MAGI1: variants seen among roughly 807,000 people sequenced by gnomAD.
The protein encoded by MAGI1 is membrane associated guanylate kinase, WW and PDZ domain containing 1.
A neutral mutation model predicts 139.9 loss-of-function variants in MAGI1; 58 were observed. The observed-to-expected ratio is 0.41, with a 90% CI of 0.34 to 0.52. MAGI1 has a LOEUF of 0.52. MAGI1 is among the 20% of genes least tolerant of loss of function. The pLI is 0.12. For missense variants in MAGI1, 1,874 were observed against 1,901.6 expected (o/e 0.99, Z 0.27); for synonymous variants, 812 against 737.9 (o/e 1.10, Z -1.63).
chr3:65,383,508 A>G (rs1943220256), intron 15 of MAGI1, 24 bp downstream of exon 15: 1 of 1,565,862 alleles, frequency 6.4e-7, no homozygotes, highest in Admixed American at 1.7e-5. Context: ...ATATGCTGGG[A>G]AGAGAGACAA....
At chr3:65,858,926 A>G (rs748799952) in intron 1 of MAGI1, among the ~76,000 whole-genome samples, 4 of 152,182 alleles carry the variant, frequency 2.6e-5, no homozygotes, top group South Asian at 2.1e-4. Context: ...TGTATCCACC[A>G]TAAGTATAAT....
chr3:65,862,977 TTCAAGGTCTCCCC>T (rs1164749418), intron 1 of MAGI1, among the ~76,000 whole-genome samples: 14 of 152,200 alleles, frequency 9.2e-5, no homozygotes, highest in Admixed American at 6.5e-5. Context: ...TAGCATGGCA[TTCAAGGTCTCCCC>T]TAATCCAGGC....
chr3:65,577,888 A>T (rs1250488408), intron 2 of MAGI1, among the ~76,000 whole-genome samples: 1 of 152,062 alleles, frequency 6.6e-6, no homozygotes, highest in East Asian at 1.9e-4. Context: ...AATCAACCAC[A>T]TTCTTTTATT....
chr3:65,855,357 T>G (rs567167961), intron 1 of MAGI1, among the ~76,000 whole-genome samples: 2 of 151,648 alleles, frequency 1.3e-5, no homozygotes, highest in South Asian at 2.1e-4. Flanking sequence ...GGCAGGAGAA[T>G]TGATTGAGGC....
chr3:65,640,944 C>CT (rs1356688310), intron 1 of MAGI1, among the ~76,000 whole-genome samples: 1 of 152,142 alleles, frequency 6.6e-6, no homozygotes. Flanking sequence ...GTGACACCCT[C>CT]TTTTTTGTTG....
intron 1 of MAGI1, among the ~76,000 whole-genome samples, chr3:65,693,345 A>C (rs746948881): frequency 2.6e-5 from 4 of 152,202 alleles, no homozygotes; most frequent in African/African-American, 2.4e-5. Context: ...GAAAAGGTTG[A>C]AAACTTTCCT....
At chr3:65,911,418 C>A (rs2061665295) in intron 1 of MAGI1, among the ~76,000 whole-genome samples, 1 of 152,032 alleles carries the variant, frequency 6.6e-6, no homozygotes, top group Non-Finnish European at 1.5e-5. Flanking sequence ...CAGAGCTGCC[C>A]AGCGTCCACC....
intron 1 of MAGI1, among the ~76,000 whole-genome samples, chr3:65,703,327 A>G (rs924541466): frequency 2.0e-5 from 3 of 152,180 alleles, no homozygotes; most frequent in South Asian, 4.1e-4. Flanking sequence ...TGGCCAGTCA[A>G]TTGTCTATTC....
intron 1 of MAGI1, among the ~76,000 whole-genome samples, chr3:65,763,424 C>G (rs1354725393): frequency 6.6e-6 from 1 of 152,110 alleles, no homozygotes; most frequent in Non-Finnish European, 1.5e-5. Context: ...TGCTTTAATT[C>G]TCAGGCCTGG....
chr3:65,961,728 T>C (rs1431297694), intron 1 of MAGI1, among the ~76,000 whole-genome samples: 5 of 152,178 alleles, frequency 3.3e-5, no homozygotes, highest in African/African-American at 9.7e-5. Context: ...TGAACTGATA[T>C]CAAAGAACCA....
At chr3:65,594,927 G>C (rs900218314) in intron 2 of MAGI1, among the ~76,000 whole-genome samples, 1 of 152,146 alleles carries the variant, frequency 6.6e-6, no homozygotes, top group African/African-American at 2.4e-5. Context: ...GCCAACATCA[G>C]AATAATGCAT....
chr3:65,605,564 A>G (rs2082697757), intron 2 of MAGI1, among the ~76,000 whole-genome samples: 2 of 152,158 alleles, frequency 1.3e-5, no homozygotes, highest in Admixed American at 6.6e-5. Context: ...ACAGTTGGCA[A>G]TAAAAGAAAA....
intron 17 of MAGI1, among the ~76,000 whole-genome samples, chr3:65,377,590 G>A (rs566959264): frequency 7.2e-5 from 11 of 152,334 alleles, no homozygotes; most frequent in African/African-American, 2.4e-4. Context: ...AGGATGCATG[G>A]AGACAGTCAA....
intron 8 of MAGI1, among the ~76,000 whole-genome samples, chr3:65,441,536 G>A (rs1302574476): frequency 1.3e-5 from 2 of 152,098 alleles, no homozygotes; most frequent in Non-Finnish European, 2.9e-5. Context: ...ATAATAACTT[G>A]CCCCTCAAAC....
intron 2 of MAGI1, among the ~76,000 whole-genome samples, chr3:65,590,958 T>G (rs1352615354): frequency 2.0e-5 from 3 of 151,348 alleles, no homozygotes; most frequent in Non-Finnish European, 2.9e-5. Context: ...AATTTGGGAG[T>G]TTTTCAAATC....
chr3:66,018,098 G>A (rs1341538694), intron 1 of MAGI1, among the ~76,000 whole-genome samples: 1 of 138,804 alleles, frequency 7.2e-6, no homozygotes, highest in African/African-American at 2.6e-5. Context: ...ACAAAGATAA[G>A]GAAGGACACT....
intron 1 of MAGI1, among the ~76,000 whole-genome samples, chr3:65,923,507 G>C (rs2062335423): frequency 6.6e-6 from 1 of 152,050 alleles, no homozygotes; most frequent in Non-Finnish European, 1.5e-5. Flanking sequence ...TTACAGGCAT[G>C]AGCCACCACG....
chr3:66,001,274 C>A (rs2107444116), intron 1 of MAGI1, among the ~76,000 whole-genome samples: 1 of 152,062 alleles, frequency 6.6e-6, no homozygotes, highest in South Asian at 2.1e-4. Flanking sequence ...AAGAACTCAC[C>A]TCAGTGAGGT....
At chr3:65,669,687 G>A (rs2086739213) in intron 1 of MAGI1, among the ~76,000 whole-genome samples, 1 of 152,154 alleles carries the variant, frequency 6.6e-6, no homozygotes, top group South Asian at 2.1e-4. Context: ...AATGCTTCAG[G>A]ATCTTGATCC....
Sources: gnomAD v4.1 joint callset for allele counts (sites outside exome capture counted in the v4.1 genomes callset) on GRCh38, gnomAD v4.1.1 for gene constraint, MANE v1.5 for transcripts, NCBI Gene and HGNC (gene_info 2026-07-23, HGNC 2026-07-21) for gene names.